The following BTRC variants were observed in gnomAD, a reference collection of about 807,000 sequenced individuals.
BTRC encodes beta-transducin repeat containing E3 ubiquitin protein ligase, also known as F-box/WD repeat-containing protein 1A.
In BTRC, 42 loss-of-function variants were observed where a neutral mutation model predicts 85.5. That is an observed-to-expected ratio of 0.49 (90% CI 0.38 to 0.64). The LOEUF is 0.64. BTRC is among the 30% of genes least tolerant of loss of function. BTRC has a pLI of 0.00. For synonymous variants in BTRC, 255 were observed against 263.3 expected (o/e 0.97, Z 0.30); for missense variants, 594 against 743.5 (o/e 0.80, Z 2.34).
chr10:101,535,776 T>C (rs571191123), intron 11 of BTRC, among the ~76,000 whole-genome samples: 7 of 152,370 alleles, frequency 4.6e-5, no homozygotes, highest in East Asian at 1.9e-4. Context: ...CTAGAAATTA[T>C]GTAATTTTTG....
chr10:101,436,699 T>C (rs1267522344), intron 2 of BTRC, among the ~76,000 whole-genome samples: 1 of 152,128 alleles, frequency 6.6e-6, no homozygotes, highest in African/African-American at 2.4e-5. Flanking sequence ...ACTTTAGCTA[T>C]CAAGTGTAAC....
At chr10:101,362,014 G>A (rs1942221663) in intron 1 of BTRC, among the ~76,000 whole-genome samples, 1 of 152,114 alleles carries the variant, frequency 6.6e-6, no homozygotes, top group Non-Finnish European at 1.5e-5. Flanking sequence ...AGACTGGAGT[G>A]CAGTGGCATG....
At chr10:101,535,037 C>A in intron 10 of BTRC, 127 bp downstream of exon 10, 1 of 1,122,392 alleles carries the variant, frequency 8.9e-7, no homozygotes, top group Non-Finnish European at 1.3e-6. Context: ...AGAGACTAGT[C>A]TACAAGTGAA....
chr10:101,483,972 C>G (rs1381785458), intron 4 of BTRC, among the ~76,000 whole-genome samples: 2 of 151,968 alleles, frequency 1.3e-5, no homozygotes, highest in Admixed American at 6.6e-5. Context: ...GTTTTTTTCC[C>G]TAATTTACCC....
At chr10:101,370,506 G>A (rs757828778) in intron 1 of BTRC, among the ~76,000 whole-genome samples, 1 of 152,178 alleles carries the variant, frequency 6.6e-6, no homozygotes, top group African/African-American at 2.4e-5. Context: ...GACAAAATGA[G>A]TAGAGGTTTA....
chr10:101,434,279 A>G (rs1944471072), intron 2 of BTRC, among the ~76,000 whole-genome samples: 1 of 152,194 alleles, frequency 6.6e-6, no homozygotes, highest in Non-Finnish European at 1.5e-5. Context: ...GATTAGTTGC[A>G]GTATGGTATC....
At chr10:101,358,892 G>A (rs945503409) in intron 1 of BTRC, among the ~76,000 whole-genome samples, 1 of 152,178 alleles carries the variant, frequency 6.6e-6, no homozygotes, top group African/African-American at 2.4e-5. Flanking sequence ...GAAGGGTGGC[G>A]TGCATAAACA....
At chr10:101,505,433 C>G (rs1946509864) in intron 4 of BTRC, among the ~76,000 whole-genome samples, 1 of 150,584 alleles carries the variant, frequency 6.6e-6, no homozygotes. Flanking sequence ...TCCTGGTTAA[C>G]ACGGTGAAAC....
intron 4 of BTRC, among the ~76,000 whole-genome samples, chr10:101,481,577 G>GT (rs554982623): frequency 1.1e-3 from 165 of 148,216 alleles, no homozygotes; most frequent in African/African-American, 3.6e-3. Context: ...TTTTTTAATT[G>GT]TTTTTTTCTC....
intron 1 of BTRC, among the ~76,000 whole-genome samples, chr10:101,400,612 G>A (rs1264964806): frequency 6.6e-6 from 1 of 152,130 alleles, no homozygotes; most frequent in Non-Finnish European, 1.5e-5. Context: ...TTTTACTCTG[G>A]CTTATTTGGC....
In BTRC at chr10:101,366,786, A is replaced by T. The variant is rs377020650; in HGVS notation, c.48+12558A>T. Among the ~76,000 whole-genome samples the T allele has an allele frequency of 6.7e-3, 498 of 74,330 alleles. 38 individuals carry two copies. The highest frequency in any genetic ancestry group is 0.015 in the African/African-American group (352 of 22,930). 48.8% of individuals were successfully genotyped at this position (74,330 alleles called of 152,430 possible). On this transcript the variant is annotated intron_variant, in intron 1 of 14. Transcript: ENST00000370187. ...TCTAGTTATATATATATATATATATATATTTTTACATTTATATATATATTT... is the reference window on the plus strand; with the variant it reads ...TCTAGTTATATATATATATATATATTTATTTTTACATTTATATATATATTT...
chr10:101,448,082 G>C (rs189273514), intron 2 of BTRC, among the ~76,000 whole-genome samples: 1 of 152,198 alleles, frequency 6.6e-6, no homozygotes, highest in Non-Finnish European at 1.5e-5. Flanking sequence ...TTAATTGTAG[G>C]ATTTGTCAGA....
At chr10:101,373,888 A>G (rs1191755396) in intron 1 of BTRC, among the ~76,000 whole-genome samples, 2 of 151,830 alleles carry the variant, frequency 1.3e-5, no homozygotes, top group African/African-American at 2.4e-5. Context: ...ACTGCACTTC[A>G]GCCTGGGTGA....
chr10:101,375,193 C>T (rs968543736), intron 1 of BTRC, among the ~76,000 whole-genome samples: 4 of 152,186 alleles, frequency 2.6e-5, no homozygotes, highest in African/African-American at 9.7e-5. Context: ...GGGCGGATTT[C>T]CGCCTTTTGT....
At chr10:101,367,045 T>A (rs1184327525) in intron 1 of BTRC, among the ~76,000 whole-genome samples, 2 of 40,452 alleles carry the variant, frequency 4.9e-5, no homozygotes, top group Admixed American at 4.6e-4. Flanking sequence ...TATATATAAA[T>A]ATATATATAT....
intron 3 of BTRC, among the ~76,000 whole-genome samples, chr10:101,462,807 A>G (rs926395527): frequency 6.6e-6 from 1 of 152,120 alleles, no homozygotes; most frequent in African/African-American, 2.4e-5. Flanking sequence ...AAGAAACGCA[A>G]GTTCTTATGA....
chr10:101,554,844 C>T lies in BTRC; in HGVS notation c.*1721C>T, dbSNP rs2062705686. 6.6e-6 allele frequency: 1 copy of T among 152,184 alleles called. No individual in the cohort carries two copies. The highest frequency in any genetic ancestry group is 6.5e-5 in the Admixed American group (1 of 15,282). 9.4% of individuals were successfully genotyped at this position (152,184 alleles called of 1,614,324 possible). A position where few individuals can be genotyped will look rare whatever the true frequency, so the allele number is the denominator to read the frequency against. The stretch of plus-strand genomic sequence containing the variant: ...CTATTAATGTGCACCCAGCTGGTCT[C>T]CCCAGGCAAGAAGGTATCCTCTTCC... On this transcript the variant is annotated 3_prime_UTR_variant, in exon 15 of 15. Coordinates refer to ENST00000370187, the MANE Select transcript of BTRC (RefSeq NM_033637.4).
At chr10:101,366,879 T>A (rs184904255) in intron 1 of BTRC, among the ~76,000 whole-genome samples, 7,611 of 23,434 alleles carry the variant, frequency 0.32, 1,894 homozygotes, top group African/African-American at 0.56. Context: ...AATATATATT[T>A]ATATATATTT....
At chr10:101,446,184 C>CTA (rs896220901) in intron 2 of BTRC, among the ~76,000 whole-genome samples, 2 of 137,090 alleles carry the variant, frequency 1.5e-5, no homozygotes, top group African/African-American at 5.4e-5. Context: ...CATCCATGTA[C>CTA]TAGTAAGAGA....
Sources: allele counts gnomAD v4.1 joint callset (sites outside exome capture counted in the v4.1 genomes callset), GRCh38; gene constraint gnomAD v4.1.1; transcripts MANE v1.5; gene names NCBI Gene and HGNC (gene_info 2026-07-23, HGNC 2026-07-21).